BOC: variants seen among roughly 807,000 people sequenced by gnomAD.
BOC encodes BOC cell adhesion associated, oncogene regulated.
In BOC, 76 loss-of-function variants were observed where a neutral mutation model predicts 112.0. The ratio of observed to expected loss-of-function variants is 0.68; its 90% CI spans 0.56 to 0.82. The LOEUF (loss-of-function observed/expected upper bound fraction) is 0.82. BOC is among the 40% of genes least tolerant of loss of function. The pLI is 0.00. For synonymous variants in BOC, 580 were observed against 599.8 expected (o/e 0.97, Z 0.48); for missense variants, 1,309 against 1,511.7 (o/e 0.87, Z 2.22).
intron 1 of BOC, chr3:113,212,600 C>T (rs1406802151): frequency 6.6e-6 from 1 of 152,268 alleles, no homozygotes; most frequent in Non-Finnish European, 1.5e-5. Context: ...AGCGACGCAG[C>T]TTGAGGGAAG....
rs139797362 is a variant in BOC, at chr3:113,274,649, G to A, written c.1509G>A (p.Ala503=). ...WRPRHEGSGR[A]PILYYVVKHR... ...CTCGGCATGAGGGCAGTGGCCGGGC[G>A]CCAATCCTCTACTATGTGGTGAAAC... The change falls in exon 9 of 20, where the codon GCG becomes GCA. Residue 503 remains alanine (A), a synonymous_variant. Transcript: ENST00000682979. The surrounding 1 kb of genome is among the most constrained non-coding windows in gnomAD (Gnocchi z 4.8). 35 of 1,607,260 alleles carry A rather than the reference G, an allele frequency of 2.2e-5. No individual in the cohort carries two copies. Among genetic ancestry groups the A allele is most frequent in the African/African-American group, 5.3e-5 (4 of 74,812 alleles).
At chr3:113,225,083 AAAAACAAAAAC>A (rs1489352664) in intron 2 of BOC, among the ~76,000 whole-genome samples, 7 of 151,748 alleles carry the variant, frequency 4.6e-5, no homozygotes, top group Admixed American at 1.3e-4. Context: ...TCTCAAAAAC[AAAAACAAAAAC>A]AAAACAAAAA....
chr3:113,249,360 T>C (rs1945328933), intron 2 of BOC, among the ~76,000 whole-genome samples: 1 of 152,214 alleles, frequency 6.6e-6, no homozygotes, highest in South Asian at 2.1e-4. Context: ...TCATCTGTTC[T>C]AGCATCTGTG....
intron 2 of BOC, among the ~76,000 whole-genome samples, chr3:113,240,785 T>A (rs1944188172): frequency 6.6e-6 from 1 of 152,160 alleles, no homozygotes; most frequent in Non-Finnish European, 1.5e-5. Context: ...CCTTCCTACA[T>A]TCCCTGCTCC....
intron 2 of BOC, among the ~76,000 whole-genome samples, chr3:113,229,851 A>G (rs1403738504): frequency 6.6e-6 from 1 of 152,218 alleles, no homozygotes; most frequent in East Asian, 1.9e-4. Context: ...TTCCTTACCA[A>G]AATGACCCCA....
At chr3:113,264,757 G>A (rs1947279655) in intron 4 of BOC, among the ~76,000 whole-genome samples, 2 of 152,152 alleles carry the variant, frequency 1.3e-5, no homozygotes, top group African/African-American at 2.4e-5. Flanking sequence ...TGAAACTCAA[G>A]TTTTACTCAA....
intron 5 of BOC, 67 bp downstream of exon 5, chr3:113,268,512 C>G: frequency 6.7e-7 from 1 of 1,494,902 alleles, no homozygotes; most frequent in East Asian, 2.4e-5. Flanking sequence ...TCCAACCGCT[C>G]GCTGCTCAAC....
chr3:113,266,652 CATTCATTCATTT>C (rs939050841), intron 4 of BOC, among the ~76,000 whole-genome samples: 1 of 152,210 alleles, frequency 6.6e-6, no homozygotes, highest in African/African-American at 2.4e-5. Context: ...CATTCATTAA[CATTCATTCATTT>C]ATTCATTCAA....
intron 2 of BOC, among the ~76,000 whole-genome samples, chr3:113,235,920 T>C (rs1265632922): frequency 2.0e-5 from 3 of 152,114 alleles, no homozygotes; most frequent in African/African-American, 7.2e-5. Flanking sequence ...GTATTATGTC[T>C]GGCAAGGATG....
chr3:113,245,180 C>G (rs757913223), intron 2 of BOC, among the ~76,000 whole-genome samples: 8 of 152,130 alleles, frequency 5.3e-5, no homozygotes, highest in African/African-American at 9.7e-5. Context: ...TCAAATACAA[C>G]TTTTTAAGTA....
intron 6 of BOC, chr3:113,271,541 G>T: frequency 4.2e-6 from 1 of 235,892 alleles, no homozygotes; most frequent in Non-Finnish European, 8.4e-6. Flanking sequence ...ACCAGAGATG[G>T]AATCACTGTG....
At chr3:113,243,839 A>G (rs1944594134) in intron 2 of BOC, among the ~76,000 whole-genome samples, 1 of 152,242 alleles carries the variant, frequency 6.6e-6, no homozygotes, top group South Asian at 2.1e-4. Context: ...GCCACTTCAC[A>G]TTGGTGACTG....
At chr3:113,260,608 C>A (rs1946711959) in intron 4 of BOC, among the ~76,000 whole-genome samples, 1 of 151,658 alleles carries the variant, frequency 6.6e-6, no homozygotes, top group Non-Finnish European at 1.5e-5. Context: ...GCAAGCATTA[C>A]CATCTGAACA....
chr3:113,273,186 C>T lies in BOC; in HGVS notation c.1079C>T (p.Ala360Val). Residue 360 changes from alanine (A) to valine (V), a missense_variant, in exon 8 of 20, where the codon GCT (alanine) becomes GTT (valine). By Grantham distance (64) the Ala-to-Val change is moderately conservative. Coordinates refer to ENST00000682979, the MANE Select transcript of BOC (RefSeq NM_001378074.1). ...PPPSVLWLRN[A>V]VPLISSQRLR... is the part of the protein sequence containing the mutation. Reference sequence around the variant, plus strand: ...CCCTCCGTGCTGTGGCTGAGGAATGCTGTGCCCCTCATCTCCAGCCAGCGC... The same window carrying T: ...CCCTCCGTGCTGTGGCTGAGGAATGTTGTGCCCCTCATCTCCAGCCAGCGC... 1 of 1,614,016 alleles carries T rather than the reference C, an allele frequency of 6.2e-7. No individual in the cohort carries two copies. The highest frequency in any genetic ancestry group is 8.5e-7 in the Non-Finnish European group (1 of 1,180,020).
chr3:113,221,835 C>T (rs1666732632), intron 2 of BOC, among the ~76,000 whole-genome samples: 1 of 152,182 alleles, frequency 6.6e-6, no homozygotes, highest in African/African-American at 2.4e-5. Context: ...CTCCTTCCCT[C>T]TCAGGGGTCC....
At chr3:113,242,864 T>A (rs1338423638) in intron 2 of BOC, among the ~76,000 whole-genome samples, 2 of 152,132 alleles carry the variant, frequency 1.3e-5, no homozygotes, top group Admixed American at 1.3e-4. Context: ...GGAAAAAATA[T>A]AAGCAATTCC....
intron 2 of BOC, among the ~76,000 whole-genome samples, chr3:113,246,002 A>T (rs572471711): frequency 6.6e-6 from 1 of 152,300 alleles, no homozygotes; most frequent in Admixed American, 6.5e-5. Context: ...CCTCCTGATG[A>T]TGATCGACTC....
intron 2 of BOC, among the ~76,000 whole-genome samples, chr3:113,248,674 A>AGT (rs1393595336): frequency 4.6e-5 from 7 of 152,022 alleles, no homozygotes; most frequent in Admixed American, 1.3e-4. Context: ...CTGTGACAGA[A>AGT]GTGTGTGTGT....
intron 15 of BOC, among the ~76,000 whole-genome samples, 200 bp from the exon 16 acceptor site, chr3:113,283,211 C>T (rs575391849): frequency 9.1e-4 from 138 of 152,286 alleles, no homozygotes; most frequent in African/African-American, 2.9e-3. Context: ...CTCAGGTCTC[C>T]GCCACAACAC....
Sources: gnomAD v4.1 joint callset for allele counts (sites outside exome capture counted in the v4.1 genomes callset) on GRCh38, gnomAD v4.1.1 for gene constraint, Gnocchi (gnomAD v3.1) non-coding constraint, MANE v1.5 for transcripts, NCBI Gene and HGNC (gene_info 2026-07-23, HGNC 2026-07-21) for gene names.